The following GARNL3 variants were observed in gnomAD, a reference collection of about 807,000 sequenced individuals.
GARNL3 encodes the protein GTPase-activating Rap/Ran-GAP domain-like protein 3.
Under a neutral mutation model 125.0 loss-of-function variants are expected in GARNL3, and 63 were observed. That is an observed-to-expected ratio of 0.50 (90% CI 0.41 to 0.62). The LOEUF is 0.62. GARNL3 is among the 20% of genes least tolerant of loss of function. The pLI, the probability that GARNL3 is intolerant of heterozygous loss-of-function variation, is 0.00. For missense variants in GARNL3, 994 were observed against 1,244.0 expected (o/e 0.80, Z 3.02); for synonymous variants, 439 against 457.5 (o/e 0.96, Z 0.52).
At chr9:127,253,263 C>T (rs2063437412) in intron 2 of GARNL3, among the ~76,000 whole-genome samples, 1 of 152,072 alleles carries the variant, frequency 6.6e-6, no homozygotes, top group Non-Finnish European at 1.5e-5. Context: ...CTCCCAGCCT[C>T]CTTTACAGAA....
rs1381147352 is a variant in GARNL3, at chr9:127,280,886, G to A, written c.145-10282G>A. On this transcript the variant is annotated intron_variant, in intron 1 of 27. Coordinates refer to ENST00000373387, the MANE Select transcript of GARNL3 (RefSeq NM_032293.5). The surrounding 1 kb of genome is among the most constrained non-coding windows in gnomAD (Gnocchi z 4.5). Reference sequence around the variant, plus strand: ...GGGTGTTTCTGTAGTGGTAACATGTGACAGATAAGGTGGAGGATGTGATGG... The same window carrying A: ...GGGTGTTTCTGTAGTGGTAACATGTAACAGATAAGGTGGAGGATGTGATGG... Among the ~76,000 whole-genome samples the A allele has an allele frequency of 6.6e-6, 1 of 152,212 alleles. No homozygotes were observed. Among genetic ancestry groups the A allele is most frequent in the Middle Eastern group, 3.2e-3 (1 of 316 alleles).
rs1004290265 is a variant in GARNL3, at chr9:127,280,233, G to A, written c.145-10935G>A. Among the ~76,000 whole-genome samples, 2 of 152,232 alleles carry A rather than the reference G, an allele frequency of 1.3e-5. No individual in the cohort carries two copies. The highest frequency in any genetic ancestry group is 4.8e-5 in the African/African-American group (2 of 41,462). Reference sequence around the variant, plus strand: ...TTGGGGAAACTAAACTCCCTGGGATGCTCTGCCCTCAGGACTCTCCATGTC... The same window carrying A: ...TTGGGGAAACTAAACTCCCTGGGATACTCTGCCCTCAGGACTCTCCATGTC... On this transcript the variant is annotated intron_variant, in intron 1 of 27. Coordinates refer to ENST00000373387, the MANE Select transcript of GARNL3 (RefSeq NM_032293.5). The surrounding 1 kb of genome is among the most constrained non-coding windows in gnomAD (Gnocchi z 4.5).
rs1016313329 is a variant in GARNL3 at position 127,355,245 on chromosome 9, G to A, written c.1760-52G>A. 2.0e-6 allele frequency: 3 copies of A among 1,517,354 alleles called. No homozygotes were observed. In the African/African-American group the frequency reaches 4.1e-5, roughly 21 times the overall value. The allele number at this position is 1,517,354 out of a possible 1,614,324, so 94.0% of individuals were successfully genotyped here. On this transcript the variant is annotated intron_variant, in intron 19 of 27. Coordinates refer to ENST00000373387, the MANE Select transcript of GARNL3 (RefSeq NM_032293.5). ...TATTGCCAAATTGTCAAGGTCTGGGGGCTTCCACACCCGCATGTCATGTGT... is the reference window on the plus strand; with the variant it reads ...TATTGCCAAATTGTCAAGGTCTGGGAGCTTCCACACCCGCATGTCATGTGT...
intron 19 of GARNL3, 42 bp from the exon 20 acceptor site, chr9:127,355,255 C>G: frequency 6.3e-7 from 1 of 1,578,594 alleles, no homozygotes; most frequent in Non-Finnish European, 8.7e-7. Flanking sequence ...GGCTTCCACA[C>G]CCGCATGTCA....
At chr9:127,225,237 G>C in intron 1 of GARNL3, 1 of 462,836 alleles carries the variant, frequency 2.2e-6, no homozygotes, top group Non-Finnish European at 2.8e-6. Flanking sequence ...GTGGGCTGCG[G>C]CGCGCGAGCC....
At chr9:127,272,971 C>A (rs1315334884) in intron 1 of GARNL3, among the ~76,000 whole-genome samples, 1 of 152,056 alleles carries the variant, frequency 6.6e-6, no homozygotes, top group Non-Finnish European at 1.5e-5. Flanking sequence ...AATCAGAAAT[C>A]TTTTATTATG....
intron 17 of GARNL3, among the ~76,000 whole-genome samples, chr9:127,352,827 A>T (rs953626325): frequency 6.6e-6 from 1 of 152,116 alleles, no homozygotes; most frequent in Non-Finnish European, 1.5e-5. Context: ...AAAAGAAAAG[A>T]TCCTCAGGGC....
chr9:127,225,995 T>G (rs957651895), intron 1 of GARNL3, among the ~76,000 whole-genome samples: 62 of 152,334 alleles, frequency 4.1e-4, no homozygotes, highest in African/African-American at 1.4e-3. Context: ...CGGATTCTCC[T>G]GCTTCGACGT....
chr9:127,391,816 T>A (rs1238649233), intron 27 of GARNL3, among the ~76,000 whole-genome samples: 1 of 151,878 alleles, frequency 6.6e-6, no homozygotes, highest in Non-Finnish European at 1.5e-5. Flanking sequence ...CAGGTCAGCA[T>A]CACACGTCAA....
chr9:127,341,167 G>A (rs1488634785), intron 13 of GARNL3, among the ~76,000 whole-genome samples: 4 of 152,154 alleles, frequency 2.6e-5, no homozygotes, highest in African/African-American at 4.8e-5. Context: ...TGTCTCCCTC[G>A]ACACATTAGA....
Position 127,365,327 on chromosome 9 carries a change from T to A in GARNL3, c.2122T>A (p.Tyr708Asn). 6.2e-7 allele frequency: 1 copy of A among 1,614,054 alleles called. No individual in the cohort carries two copies. The highest frequency in any genetic ancestry group is 8.5e-7 in the Non-Finnish European group (1 of 1,179,902). ...TAATTTTGTTGCAGCTATTGATGTGTACGAAGATGGAGAAGCTGGTTTGCT... is the reference window on the plus strand; with the variant it reads ...TAATTTTGTTGCAGCTATTGATGTGAACGAAGATGGAGAAGCTGGTTTGCT... Reference protein sequence around the residue: ...RVNFVAAIDVYEDGEAGLLLC... With the variant: ...RVNFVAAIDVNEDGEAGLLLC... The change falls in exon 22 of 28, where the codon TAC (tyrosine) becomes AAC (asparagine). Residue 708 changes from tyrosine (Y) to asparagine (N), a missense_variant. Tyr to Asn is a moderately radical substitution (Grantham distance 143). Around this residue, in one of 5 missense-constraint regions of GARNL3, gnomAD observed 728 missense variants for 865.7 expected, o/e 0.84. Coordinates refer to ENST00000373387, the MANE Select transcript of GARNL3 (RefSeq NM_032293.5).
chr9:127,273,686 C>T (rs1221063668), intron 1 of GARNL3, among the ~76,000 whole-genome samples: 4 of 152,080 alleles, frequency 2.6e-5, no homozygotes, highest in Non-Finnish European at 5.9e-5. Context: ...TGGTGTGTTG[C>T]TTGTAGGATG....
intron 1 of GARNL3, among the ~76,000 whole-genome samples, chr9:127,274,583 G>A (rs543183892): frequency 9.9e-5 from 15 of 152,106 alleles, no homozygotes; most frequent in African/African-American, 3.4e-4. Flanking sequence ...GCCTCTCTGC[G>A]CCTCTGTGCT....
chr9:127,344,236 A>G lies in GARNL3; in HGVS notation c.1253A>G (p.Asn418Ser), dbSNP rs772499230. The G allele has an allele frequency of 6.3e-7, 1 of 1,594,844 alleles. No homozygotes were observed. The highest frequency in any genetic ancestry group is 2.2e-5 in the East Asian group (1 of 44,724). The change falls in exon 15 of 28, where the codon AAC becomes AGC. Residue 418 changes from asparagine (N) to serine (S), a missense_variant and splice_region_variant. Asn to Ser is a conservative substitution (Grantham distance 46). This residue lies in a region of GARNL3 where 728 missense variants were observed against 865.7 expected (regional missense o/e 0.84). Transcript: ENST00000373387. Reference protein sequence around the residue: ...HQDLMPDLHKNMLNRRSFSDV... With the variant: ...HQDLMPDLHKSMLNRRSFSDV... Reference sequence around the variant, plus strand: ...TCATAACTTGTTTTTCTTTTTTAGAACATGCTTAATAGACGATCTTTTAGT... The same window carrying G: ...TCATAACTTGTTTTTCTTTTTTAGAGCATGCTTAATAGACGATCTTTTAGT...
At chr9:127,328,165 C>T (rs895595055) in intron 7 of GARNL3, among the ~76,000 whole-genome samples, 3 of 152,054 alleles carry the variant, frequency 2.0e-5, no homozygotes, top group African/African-American at 7.2e-5. Context: ...TTTTGAAACT[C>T]CCAAGTTGTG....
In GARNL3 at chr9:127,296,938, T is replaced by C. The variant is rs547235436; in HGVS notation, c.219+5696T>C. Among the ~76,000 whole-genome samples the C allele has an allele frequency of 1.2e-4, 18 of 152,204 alleles. No individual in the cohort carries two copies. In the South Asian group the frequency reaches 2.9e-3, roughly 25 times the overall value. On this transcript the variant is annotated intron_variant, in intron 2 of 27. Coordinates refer to ENST00000373387, the MANE Select transcript of GARNL3 (RefSeq NM_032293.5). The stretch of plus-strand genomic sequence containing the variant: ...CCTGCAGCTATCTAGGAGCCCCCTG[T>C]GAGTCCCCTCCTTAGAACAAAAGAT...
chr9:127,323,116 T>A (rs1364147589), intron 6 of GARNL3, among the ~76,000 whole-genome samples: 1 of 152,168 alleles, frequency 6.6e-6, no homozygotes, highest in South Asian at 2.1e-4. Context: ...AGCCTCAAAC[T>A]AATGATTAGA....
intron 22 of GARNL3, among the ~76,000 whole-genome samples, chr9:127,377,474 C>A (rs1280115588): frequency 6.6e-6 from 1 of 151,864 alleles, no homozygotes; most frequent in Non-Finnish European, 1.5e-5. Flanking sequence ...GTGGAGAGAG[C>A]CTTTATAAGG....
At chr9:127,288,037 T>G (rs1007929824) in intron 1 of GARNL3, among the ~76,000 whole-genome samples, 2 of 152,262 alleles carry the variant, frequency 1.3e-5, no homozygotes, top group Non-Finnish European at 2.9e-5. Flanking sequence ...TCAGGTGTTA[T>G]GCTTAGCTCT....
Sources: allele counts gnomAD v4.1 joint callset (sites outside exome capture counted in the v4.1 genomes callset), GRCh38; gene constraint gnomAD v4.1.1; regional missense constraint gnomAD v4.1.1; non-coding constraint Gnocchi (gnomAD v3.1); transcripts MANE v1.5; gene names NCBI Gene and HGNC (gene_info 2026-07-23, HGNC 2026-07-21).